GRSF1: variants seen among roughly 807,000 people sequenced by gnomAD.
GRSF1 encodes the protein G-rich RNA sequence binding factor 1.
Under a neutral mutation model 51.1 loss-of-function variants are expected in GRSF1, and 50 were observed. The observed-to-expected ratio is 0.98, with a 90% CI of 0.78 to 1.24. The LOEUF is 1.24. GRSF1 is among the 50% of genes most tolerant of loss of function. The pLI is 0.00. For missense variants in GRSF1, 700 were observed against 639.7 expected, an observed-to-expected ratio of 1.09 and a Z score of -1.02; for synonymous variants, 293 against 253.3, an observed-to-expected ratio of 1.16 and a Z score of -1.49.
chr4:70,837,769 G>A (rs1341671110), intron 1 of GRSF1, among the ~76,000 whole-genome samples: 3 of 150,530 alleles, frequency 2.0e-5, no homozygotes, highest in Non-Finnish European at 4.4e-5. Flanking sequence ...CCGGGTAGCT[G>A]GGATTACAGG....
In GRSF1 at chr4:70,819,828, A is replaced by C. The variant is rs891319104; in HGVS notation, c.*1059T>G. On this transcript the variant is annotated 3_prime_UTR_variant, in exon 10 of 10. Transcript: ENST00000254799. ...TATTTTGAAGCCAGCCATTTTGTCC[A>C]ATATTTAAATAACAAGCTGTTTAAT... The C allele has an allele frequency of 1.8e-4, 28 of 152,620 alleles. No individual in the cohort carries two copies. Among genetic ancestry groups the C allele is most frequent in the African/African-American group, 6.8e-4 (28 of 41,438 alleles). 9.5% of individuals were successfully genotyped at this position (152,620 alleles called of 1,614,324 possible).
chr4:70,836,403 C>T, intron 1 of GRSF1, 89 bp from the exon 2 acceptor site: 2 of 958,732 alleles, frequency 2.1e-6, no homozygotes, highest in Admixed American at 2.9e-5. Context: ...ATTCTACAAA[C>T]TAACATTCTA....
upstream of GRSF1, among the ~76,000 whole-genome samples, chr4:70,841,401 A>T (rs1351529112): frequency 2.6e-5 from 4 of 152,244 alleles, no homozygotes; most frequent in African/African-American, 9.6e-5. Flanking sequence ...GCACACACAT[A>T]CACAAAGACT....
At chr4:70,836,919 T>C (rs542689244) in intron 1 of GRSF1, among the ~76,000 whole-genome samples, 2 of 152,198 alleles carry the variant, frequency 1.3e-5, no homozygotes, top group East Asian at 3.9e-4. Flanking sequence ...TTCCAACTGT[T>C]TAAATTAGGA....
intron 5 of GRSF1, among the ~76,000 whole-genome samples, chr4:70,830,461 AAC>A (rs952612895): frequency 4.0e-5 from 6 of 150,546 alleles, no homozygotes; most frequent in Non-Finnish European, 8.9e-5. Context: ...AAAAAAAAAA[AAC>A]ACACACACAC....
At position 70,818,740 on chromosome 4, in the gene GRSF1, T is replaced by C. The variant is rs914358443; in HGVS notation, c.*2147A>G. ...GCAGGATATGAGCACCCTGACCATA[T>C]GCCCCACTCCCACTATTCTTCCTGA... is the stretch of plus-strand genomic sequence containing the variant. On this transcript the variant is annotated 3_prime_UTR_variant, in exon 10 of 10. Transcript: ENST00000254799. 1.3e-5 allele frequency: 2 copies of C among 152,142 alleles called. No homozygotes were observed. Among genetic ancestry groups the C allele is most frequent in the African/African-American group, 4.8e-5 (2 of 41,440 alleles). 9.4% of individuals were successfully genotyped at this position (152,142 alleles called of 1,614,324 possible).
chr4:70,827,886 T>G lies in GRSF1; in HGVS notation c.1101A>C (p.Gln367His). The G allele has an allele frequency of 6.2e-7, 1 of 1,613,286 alleles. No individual in the cohort carries two copies. Reference sequence around the variant, plus strand: ...TCTCACTTTCAAAAGCTGTCATGGGTTGAATATCCTCATTTACTTCATGTT... The same window carrying G: ...TCTCACTTTCAAAAGCTGTCATGGGGTGAATATCCTCATTTACTTCATGTT... ...FEEHEVNEDI[Q>H]PMTAFESEKE... is the part of the protein sequence containing the mutation. The change falls in exon 6 of 10, where the codon CAA (glutamine) becomes CAC (histidine). Residue 367 changes from glutamine (Q) to histidine (H), a missense_variant. Coordinates refer to ENST00000254799, the MANE Select transcript of GRSF1 (RefSeq NM_002092.4).
In GRSF1 at chr4:70,827,942, A is replaced by G. The variant is rs778945507; in HGVS notation, c.1045T>C (p.Tyr349His). Residue 349 changes from tyrosine (Y) to histidine (H), a missense_variant, in exon 6 of 10, where the codon TAT becomes CAT. Physicochemically the swap from Tyr to His is moderately conservative, Grantham distance 83. Coordinates refer to ENST00000254799, the MANE Select transcript of GRSF1 (RefSeq NM_002092.4). ...AAGACCATTTCTGGCTCAGTTATATACTTAGCAGTAGGAAAAGATGCGATT... is the reference window on the plus strand; with the variant it reads ...AAGACCATTTCTGGCTCAGTTATATGCTTAGCAGTAGGAAAAGATGCGATT... ...KKIASFPTAKYITEPEMVFEE... is the reference protein window; with the variant it reads ...KKIASFPTAKHITEPEMVFEE... The G allele has an allele frequency of 1.2e-6, 2 of 1,612,358 alleles. No homozygotes were observed. The highest frequency in any genetic ancestry group is 1.7e-6 in the Non-Finnish European group (2 of 1,178,462).
chr4:70,822,102 T>C lies in GRSF1; in HGVS notation c.*26-1241A>G, dbSNP rs1024611889. 2.0e-5 allele frequency among the ~76,000 whole-genome samples: 3 copies of C among 151,906 alleles called. No individual in the cohort carries two copies. The South Asian group carries it at 6.2e-4, about 31-fold the overall frequency. On this transcript the variant is annotated intron_variant, in intron 9 of 9. Coordinates refer to ENST00000254799, the MANE Select transcript of GRSF1 (RefSeq NM_002092.4). ...TATGGGAAAAAAAAAAGACACCATA[T>C]ATTTAATCGAGGCAAGGAACATCAA...
rs1301451004 is a variant in GRSF1, at chr4:70,833,186, T to C, written c.602A>G (p.Glu201Gly). ...GGCTTTCTGCACATCCTGCTCTGAC[T>C]CCATTTCAATTAAGGCATCACCCCT... ...KRRGDALIEM[E>G]SEQDVQKALE... The change falls in exon 3 of 10, where the codon GAG becomes GGG. Residue 201 changes from glutamate to glycine, a missense_variant. By Grantham distance (98) the Glu-to-Gly change is moderately conservative (BLOSUM62 -2). Coordinates refer to ENST00000254799, the MANE Select transcript of GRSF1 (RefSeq NM_002092.4). 1 of 1,613,878 alleles carries C rather than the reference T, an allele frequency of 6.2e-7. No homozygotes were observed.
chr4:70,821,367 G>C (rs574728084), intron 9 of GRSF1, among the ~76,000 whole-genome samples: 3 of 152,314 alleles, frequency 2.0e-5, no homozygotes, highest in African/African-American at 4.8e-5. Context: ...AGAGGTTGCA[G>C]TGAGCTGAGA....
intron 9 of GRSF1, among the ~76,000 whole-genome samples, 162 bp downstream of exon 9, chr4:70,824,132 G>A (rs770472183): frequency 2.6e-5 from 4 of 151,708 alleles, no homozygotes; most frequent in African/African-American, 7.3e-5. Context: ...CATCATGCTC[G>A]GTTAATTTTT....
rs1169903276 is a variant in GRSF1 at position 70,839,461 on chromosome 4, G to T, written c.357+10C>A. The T allele has an allele frequency of 4.8e-6, 7 of 1,460,328 alleles. No homozygotes were observed. The highest frequency in any genetic ancestry group is 6.3e-6 in the Non-Finnish European group (7 of 1,113,804). 90.5% of individuals were successfully genotyped at this position (1,460,328 alleles called of 1,614,324 possible). ...GATCTCGCGCCAGGTCCCTCACGGC[G>T]CCCACGTACCTGGCTGTAGCTGCGC... On this transcript the variant is annotated intron_variant, in intron 1 of 9. Coordinates refer to ENST00000254799, the MANE Select transcript of GRSF1 (RefSeq NM_002092.4).
At chr4:70,840,993 G>A (rs60900769), upstream of GRSF1, among the ~76,000 whole-genome samples, 3,534 of 152,250 alleles carry the variant, frequency 0.023, 119 homozygotes, top group East Asian at 0.15. Context: ...GGAGAACTTC[G>A]TTGTTTTAAA....
chr4:70,828,026 T>C lies in GRSF1; in HGVS notation c.961A>G (p.Ile321Val). The C allele has an allele frequency of 1.2e-6, 2 of 1,612,746 alleles. No homozygotes were observed. Among genetic ancestry groups the C allele is most frequent in the Non-Finnish European group, 1.7e-6 (2 of 1,179,078 alleles). Residue 321 changes from isoleucine to valine, a missense_variant, in exon 6 of 10, where the codon ATA (isoleucine) becomes GTA (valine). Transcript: ENST00000254799. ...REEIGNRYIE[I>V]FPSRRNEVRT... ...ACTTCATTCCTTCTGCTTGGAAATA[T>C]CTCGATGTATCTATGTCAAAGCAAA...
chr4:70,824,601 T>C (rs958494067), intron 8 of GRSF1, among the ~76,000 whole-genome samples: 1 of 152,060 alleles, frequency 6.6e-6, no homozygotes, highest in Non-Finnish European at 1.5e-5. Context: ...CTGGCCAATG[T>C]AGCGAAACCC....
chr4:70,827,971 T>C lies in GRSF1; in HGVS notation c.1016A>G (p.Lys339Arg), dbSNP rs763791441. Residue 339 changes from lysine to arginine, a missense_variant, in exon 6 of 10, where the codon AAG (lysine) becomes AGG (arginine). Physicochemically the swap from Lys to Arg is conservative, Grantham distance 26. Coordinates refer to ENST00000254799, the MANE Select transcript of GRSF1 (RefSeq NM_002092.4). ...VRTHVGSYKG[K>R]KIASFPTAKY... ...AGCAGTAGGAAAAGATGCGATTTTC[T>C]TTCCCTTATAAGAACCGACATGTGT... 6.2e-7 allele frequency: 1 copy of C among 1,613,326 alleles called. No homozygotes were observed. Among genetic ancestry groups the C allele is most frequent in the Admixed American group, 1.7e-5 (1 of 60,010 alleles).
At chr4:70,841,016 C>T (rs1408998710), upstream of GRSF1, among the ~76,000 whole-genome samples, 1 of 152,130 alleles carries the variant, frequency 6.6e-6, no homozygotes, top group Non-Finnish European at 1.5e-5. Flanking sequence ...GAAATATAGG[C>T]CTGGCGTGGT....
At chr4:70,830,461 A>C (rs59169953) in intron 5 of GRSF1, among the ~76,000 whole-genome samples, 3,988 of 150,604 alleles carry the variant, frequency 0.026, 79 homozygotes, top group Middle Eastern at 0.052. Flanking sequence ...AAAAAAAAAA[A>C]ACACACACAC....
Sources: allele counts gnomAD v4.1 joint callset (sites outside exome capture counted in the v4.1 genomes callset), GRCh38; gene constraint gnomAD v4.1.1; transcripts MANE v1.5; gene names NCBI Gene and HGNC (gene_info 2026-07-23, HGNC 2026-07-21).